The following MLLT10 variants were observed in gnomAD, a reference collection of about 807,000 sequenced individuals.
MLLT10 encodes the protein protein AF-10.
MLLT10 carries 30 observed loss-of-function variants against 129.1 expected under a neutral mutation model. That is an observed-to-expected ratio of 0.23 (90% CI 0.17 to 0.32). The LOEUF (loss-of-function observed/expected upper bound fraction) is 0.32, where lower values mean the gene tolerates loss of function less well. MLLT10 is among the 10% of genes least tolerant of loss of function. The pLI is 1.00. For missense variants in MLLT10, 1,119 were observed against 1,268.3 expected (o/e 0.88, Z 1.79); for synonymous variants, 490 against 446.4 (o/e 1.10, Z -1.23).
chr10:21,551,205 G>A (rs542497833), intron 3 of MLLT10, among the ~76,000 whole-genome samples: 65 of 151,386 alleles, frequency 4.3e-4, no homozygotes, highest in African/African-American at 1.5e-3. Flanking sequence ...GATTATAGGC[G>A]TGAGCCACCG....
intron 3 of MLLT10, among the ~76,000 whole-genome samples, chr10:21,544,533 A>G (rs889325243): frequency 1.3e-5 from 2 of 152,184 alleles, no homozygotes; most frequent in East Asian, 1.9e-4. Flanking sequence ...GTAAAGGAGC[A>G]TTTTCAGAAA....
intron 2 of MLLT10, 121 bp from the exon 3 acceptor site, chr10:21,538,710 TTC>T: frequency 1.6e-6 from 1 of 642,090 alleles, no homozygotes; most frequent in Non-Finnish European, 2.7e-6. Flanking sequence ...ACTGTTTTAC[TTC>T]TCTGTAAAGA....
chr10:21,561,486 C>T (rs950314786), intron 3 of MLLT10, among the ~76,000 whole-genome samples: 1 of 152,224 alleles, frequency 6.6e-6, no homozygotes, highest in Non-Finnish European at 1.5e-5. Flanking sequence ...GTCTCAACCT[C>T]CTGACCTCGT....
rs565112505 is a variant in MLLT10 at position 21,713,621 on chromosome 10, T to G, written c.1700-151T>G. On this transcript the variant is annotated intron_variant, in intron 13 of 22. Coordinates refer to ENST00000307729, the MANE Select transcript of MLLT10 (RefSeq NM_001195626.3). ...TTCATGAGAAGTCAGTGTTTATTTG[T>G]TTAGTTACTAGCACAATATTTTTTA... 3 of 592,438 alleles carry G rather than the reference T, an allele frequency of 5.1e-6. No individual in the cohort carries two copies. The East Asian group carries it at 9.5e-5, about 19-fold the overall frequency. 36.7% of individuals were successfully genotyped at this position (592,438 alleles called of 1,614,324 possible).
At chr10:21,717,652 CT>C (rs2056755429) in intron 14 of MLLT10, among the ~76,000 whole-genome samples, 1 of 126,492 alleles carries the variant, frequency 7.9e-6, no homozygotes, top group African/African-American at 3.0e-5. Flanking sequence ...TCCTCCTCCT[CT>C]TCCTCCTCCT....
intron 13 of MLLT10, among the ~76,000 whole-genome samples, chr10:21,706,360 A>C (rs2055496292): frequency 6.6e-6 from 1 of 152,198 alleles, no homozygotes; most frequent in Non-Finnish European, 1.5e-5. Context: ...TCGCATATGT[A>C]AGTTAATCCT....
chr10:21,742,717 G>A lies in MLLT10; in HGVS notation c.*734G>A, dbSNP rs981311167. On this transcript the variant is annotated 3_prime_UTR_variant, in exon 23 of 23. Coordinates refer to ENST00000307729, the MANE Select transcript of MLLT10 (RefSeq NM_001195626.3). ...GCTGGGGGAACCAGATCAATTCAAA[G>A]CTAAATACTTCTTTCAGAAAGGGGC... 5 of 226,020 alleles carry A rather than the reference G, an allele frequency of 2.2e-5. No homozygotes were observed. The highest frequency in any genetic ancestry group is 4.4e-5 in the Non-Finnish European group (5 of 113,650). The allele number at this position is 226,020 out of a possible 1,614,324, so 14.0% of individuals were successfully genotyped here. A position where few individuals can be genotyped will look rare whatever the true frequency, so the allele number is the denominator to read the frequency against.
chr10:21,680,723 G>C (rs35667842), intron 11 of MLLT10, among the ~76,000 whole-genome samples: 1 of 152,112 alleles, frequency 6.6e-6, no homozygotes, highest in Non-Finnish European at 1.5e-5. Context: ...GGTAATCCCA[G>C]CACTTTGGGA....
At position 21,715,710 on chromosome 10, in the gene MLLT10, G is replaced by A. The variant is rs114397047; in HGVS notation, c.1878+1760G>A. ...GAGCCAGGGGGTTGGCATTAGGGAA[G>A]TGGTAGAGAAGAGAAGTTTATAGCT... On this transcript the variant is annotated intron_variant, in intron 14 of 22. Transcript: ENST00000307729. Among the ~76,000 whole-genome samples, 824 of 152,310 alleles carry A rather than the reference G, an allele frequency of 5.4e-3. 5 individuals are homozygous for A. The highest frequency in any genetic ancestry group is 0.019 in the African/African-American group (771 of 41,568).
At chr10:21,586,384 A>G (rs747923781) in intron 4 of MLLT10, 36 bp downstream of exon 4, 1 of 1,421,980 alleles carries the variant, frequency 7.0e-7, no homozygotes, top group Non-Finnish European at 9.7e-7. Context: ...AATTTTATTG[A>G]AAACTGGGAC....
At chr10:21,597,431 G>A (rs1487062379) in intron 5 of MLLT10, among the ~76,000 whole-genome samples, 3 of 152,006 alleles carry the variant, frequency 2.0e-5, no homozygotes, top group African/African-American at 4.8e-5. Context: ...GTGTAGTAGC[G>A]CAGTCTCGGC....
chr10:21,730,368 A>G (rs1239723470), intron 16 of MLLT10, among the ~76,000 whole-genome samples: 1 of 152,136 alleles, frequency 6.6e-6, no homozygotes, highest in Non-Finnish European at 1.5e-5. Context: ...AAATACTTGA[A>G]AATGAGTAAT....
At chr10:21,630,390 A>G (rs1355377699) in intron 8 of MLLT10, among the ~76,000 whole-genome samples, 1 of 152,212 alleles carries the variant, frequency 6.6e-6, no homozygotes, top group Non-Finnish European at 1.5e-5. Context: ...ATTGTGGTTT[A>G]ATATTTCATT....
chr10:21,709,658 A>G (rs2055882122), intron 13 of MLLT10, among the ~76,000 whole-genome samples: 1 of 152,214 alleles, frequency 6.6e-6, no homozygotes, highest in Non-Finnish European at 1.5e-5. Context: ...TATTATTTGG[A>G]ATATAAAGTT....
chr10:21,742,023 T>TA lies in MLLT10; in HGVS notation c.*41dup. 1 of 1,596,894 alleles carries TA rather than the reference T, an allele frequency of 6.3e-7. No homozygotes were observed. The highest frequency in any genetic ancestry group is 8.6e-7 in the Non-Finnish European group (1 of 1,169,218). ...CTAGAAATTGCCTATCCTGCTGTTC[T>TA]AGCACTTCATCTGGCTGCCTTTGCA... On this transcript the variant is annotated 3_prime_UTR_variant, in exon 23 of 23. Coordinates refer to ENST00000307729, the MANE Select transcript of MLLT10 (RefSeq NM_001195626.3).
At chr10:21,685,184 TAGAC>T (rs1234609267) in intron 13 of MLLT10, among the ~76,000 whole-genome samples, 54 of 152,328 alleles carry the variant, frequency 3.5e-4, no homozygotes, top group African/African-American at 1.2e-3. Context: ...AAGCTTTCAT[TAGAC>T]AGTTGAAACT....
chr10:21,738,670 C>T, intron 21 of MLLT10: 1 of 661,962 alleles, frequency 1.5e-6, no homozygotes, highest in Non-Finnish European at 1.9e-6. Context: ...CCTTCTCATT[C>T]TTCATCTTAA....
In MLLT10 at chr10:21,738,290, T is replaced by C. The variant is rs901227718; in HGVS notation, c.2956-1740T>C. 9.2e-6 allele frequency: 7 copies of C among 763,812 alleles called. No individual in the cohort carries two copies. The African/African-American group carries it at 1.3e-4, about 14-fold the overall frequency. 47.3% of individuals were successfully genotyped at this position (763,812 alleles called of 1,614,324 possible). A position where few individuals can be genotyped will look rare whatever the true frequency, so the allele number is the denominator to read the frequency against. Reference sequence around the variant, plus strand: ...CTCAAAAAAAAAAAATCTTAAATGCTGACACTAAGATGGGATCTTGTTTTT... The same window carrying C: ...CTCAAAAAAAAAAAATCTTAAATGCCGACACTAAGATGGGATCTTGTTTTT... On this transcript the variant is annotated intron_variant, in intron 21 of 22. Coordinates refer to ENST00000307729, the MANE Select transcript of MLLT10 (RefSeq NM_001195626.3).
At chr10:21,571,814 A>G (rs2040238082) in intron 3 of MLLT10, among the ~76,000 whole-genome samples, 1 of 152,174 alleles carries the variant, frequency 6.6e-6, no homozygotes, top group African/African-American at 2.4e-5. Context: ...GAGTTGCAGA[A>G]GGTGTTTATA....
Sources: allele counts gnomAD v4.1 joint callset (sites outside exome capture counted in the v4.1 genomes callset), GRCh38; gene constraint gnomAD v4.1.1; transcripts MANE v1.5; gene names NCBI Gene and HGNC (gene_info 2026-07-23, HGNC 2026-07-21).